Variants in NALF1 observed in about 807,000 individuals in gnomAD.
NALF1 encodes the protein NALCN channel auxiliary factor 1.
NALF1 carries 3 observed loss-of-function variants against 48.4 expected under a neutral mutation model. The observed-to-expected ratio is 0.06, with a 90% CI of 0.03 to 0.16. The LOEUF (loss-of-function observed/expected upper bound fraction) is 0.16, where lower values mean the gene tolerates loss of function less well. NALF1 is among the 10% of genes least tolerant of loss of function. The probability of loss-of-function intolerance (pLI) is 1.00; values close to 1 mark genes in which losing one functional copy is unlikely to be tolerated. For synonymous variants in NALF1, 262 were observed against 245.7 expected (o/e 1.07, Z -0.62); for missense variants, 526 against 571.5 (o/e 0.92, Z 0.81).
At chr13:107,240,582 G>A (rs563003119) in intron 1 of NALF1, among the ~76,000 whole-genome samples, 1 of 152,076 alleles carries the variant, frequency 6.6e-6, no homozygotes, top group African/African-American at 2.4e-5. Flanking sequence ...ACTCCATTCA[G>A]ACTACACCTT....
At chr13:107,306,769 A>C (rs1427229249) in intron 1 of NALF1, among the ~76,000 whole-genome samples, 1 of 152,074 alleles carries the variant, frequency 6.6e-6, no homozygotes, top group Non-Finnish European at 1.5e-5. Flanking sequence ...TTTGAGACCC[A>C]CCTGGGCAAC....
chr13:107,700,293 CATAAAA>C (rs1434036389), intron 1 of NALF1, among the ~76,000 whole-genome samples: 1 of 151,850 alleles, frequency 6.6e-6, no homozygotes, highest in East Asian at 1.9e-4. Flanking sequence ...ATGGTACTGT[CATAAAA>C]ATAGAAACAA....
intron 1 of NALF1, among the ~76,000 whole-genome samples, chr13:107,658,041 G>C (rs1880630004): frequency 6.6e-6 from 1 of 152,176 alleles, no homozygotes; most frequent in Non-Finnish European, 1.5e-5. Flanking sequence ...TTTGTCTCCT[G>C]GTTCCCAGGG....
intron 1 of NALF1, among the ~76,000 whole-genome samples, chr13:107,347,724 A>G (rs1882800472): frequency 6.6e-6 from 1 of 152,224 alleles, no homozygotes; most frequent in African/African-American, 2.4e-5. Flanking sequence ...ATACTTTCTA[A>G]TTACCAACCA....
intron 1 of NALF1, among the ~76,000 whole-genome samples, chr13:107,631,561 G>C (rs1879835057): frequency 6.6e-6 from 1 of 152,058 alleles, no homozygotes; most frequent in Admixed American, 6.6e-5. Flanking sequence ...CCAGAATTCA[G>C]AGAGTAAGTC....
chr13:107,307,635 T>TAAAA (rs34252962), intron 1 of NALF1, among the ~76,000 whole-genome samples: 6 of 117,414 alleles, frequency 5.1e-5, no homozygotes, highest in East Asian at 2.5e-4. Flanking sequence ...CCTTTTTTAT[T>TAAAA]AAAAAAAAAA....
At chr13:107,336,576 A>T (rs1882561397) in intron 1 of NALF1, among the ~76,000 whole-genome samples, 1 of 152,118 alleles carries the variant, frequency 6.6e-6, no homozygotes, top group Non-Finnish European at 1.5e-5. Context: ...GTCTAACATT[A>T]TCAGGAAGAC....
chr13:107,771,347 TATC>T (rs1356481333), intron 1 of NALF1, among the ~76,000 whole-genome samples: 2 of 151,882 alleles, frequency 1.3e-5, no homozygotes. Context: ...GGCCTATAAT[TATC>T]ATCATAATAC....
chr13:107,215,788 T>C (rs949371540), intron 1 of NALF1, among the ~76,000 whole-genome samples: 1 of 152,136 alleles, frequency 6.6e-6, no homozygotes, highest in African/African-American at 2.4e-5. Context: ...GGCATTCCAT[T>C]TGAAGATAGC....
At chr13:107,712,503 A>C (rs1354414261) in intron 1 of NALF1, among the ~76,000 whole-genome samples, 1 of 152,198 alleles carries the variant, frequency 6.6e-6, no homozygotes. Flanking sequence ...AAGATTTACA[A>C]GCCACAGAGA....
At chr13:107,646,816 G>T (rs1489529730) in intron 1 of NALF1, among the ~76,000 whole-genome samples, 2 of 152,000 alleles carry the variant, frequency 1.3e-5, no homozygotes, top group African/African-American at 4.8e-5. Flanking sequence ...ATGAATATAT[G>T]AATTCATTAG....
chr13:107,376,190 C>T (rs905726157), intron 1 of NALF1, among the ~76,000 whole-genome samples: 1 of 152,172 alleles, frequency 6.6e-6, no homozygotes, highest in Admixed American at 6.5e-5. Context: ...TGCCATCCAA[C>T]CCCACAGCTC....
chr13:107,505,067 A>G (rs1422097210), intron 1 of NALF1, among the ~76,000 whole-genome samples: 3 of 146,528 alleles, frequency 2.0e-5, no homozygotes, highest in African/African-American at 8.3e-5. Context: ...GGCTATGGAG[A>G]GAAATTCCAG....
chr13:107,802,546 T>C (rs1443091600), intron 1 of NALF1, among the ~76,000 whole-genome samples: 1 of 152,152 alleles, frequency 6.6e-6, no homozygotes, highest in Non-Finnish European at 1.5e-5. Flanking sequence ...TAACCCTTTT[T>C]AAATTTTCAT....
intron 1 of NALF1, among the ~76,000 whole-genome samples, chr13:107,410,769 T>C (rs1025781900): frequency 2.0e-5 from 3 of 152,152 alleles, no homozygotes; most frequent in Admixed American, 1.3e-4. Context: ...ATTATAAACG[T>C]TGGGGGCCAT....
chr13:107,792,623 G>A (rs1358227120), intron 1 of NALF1, among the ~76,000 whole-genome samples: 5 of 152,058 alleles, frequency 3.3e-5, no homozygotes, highest in African/African-American at 9.7e-5. Flanking sequence ...AATCTTTCTA[G>A]ACACGAGTTT....
chr13:107,711,283 T>G (rs1345184129), intron 1 of NALF1, among the ~76,000 whole-genome samples: 1 of 152,234 alleles, frequency 6.6e-6, no homozygotes, highest in East Asian at 1.9e-4. Context: ...GAAATTGAAT[T>G]ATGCATCATA....
intron 1 of NALF1, among the ~76,000 whole-genome samples, chr13:107,602,494 C>T (rs1340357138): frequency 6.6e-6 from 1 of 152,252 alleles, no homozygotes; most frequent in African/African-American, 2.4e-5. Flanking sequence ...AAAGTTGTTT[C>T]TCTGTCTCAA....
chr13:107,578,135 T>C (rs1439308538), intron 1 of NALF1, among the ~76,000 whole-genome samples: 2 of 152,168 alleles, frequency 1.3e-5, no homozygotes, highest in East Asian at 3.9e-4. Flanking sequence ...CACTGGAACT[T>C]AACATTTGAA....
Sources: allele counts gnomAD v4.1 joint callset (sites outside exome capture counted in the v4.1 genomes callset), GRCh38; gene constraint gnomAD v4.1.1; transcripts MANE v1.5; gene names NCBI Gene and HGNC (gene_info 2026-07-23, HGNC 2026-07-21).